PLEKHA5: variants seen among roughly 807,000 people sequenced by gnomAD.
PLEKHA5 encodes the protein pleckstrin homology domain containing A5, also known as pleckstrin homology domain-containing family A member 5.
Under a neutral mutation model 181.9 loss-of-function variants are expected in PLEKHA5, and 55 were observed. That is an observed-to-expected ratio of 0.30 (90% CI 0.24 to 0.38). The LOEUF (loss-of-function observed/expected upper bound fraction) is 0.38. Among genes scored for constraint, PLEKHA5 ranks in the 10% least tolerant of loss-of-function variants. The pLI is 1.00. For missense variants in PLEKHA5, 1,432 were observed against 1,549.5 expected (o/e 0.92, Z 1.27); for synonymous variants, 535 against 529.4 (o/e 1.01, Z -0.15).
intron 3 of PLEKHA5, chr12:19,154,295 A>G (rs2041164420): frequency 6.6e-6 from 1 of 152,030 alleles, no homozygotes; most frequent in Non-Finnish European, 1.5e-5. Context: ...ATCTTTTTCC[A>G]GTTTTATAAA....
chr12:19,285,145 C>T (rs2076953397), intron 12 of PLEKHA5, among the ~76,000 whole-genome samples: 1 of 152,102 alleles, frequency 6.6e-6, no homozygotes, highest in Non-Finnish European at 1.5e-5. Context: ...ACTTTGAACT[C>T]CATCGTAACA....
chr12:19,191,360 A>G (rs963878427), intron 3 of PLEKHA5, among the ~76,000 whole-genome samples: 8 of 152,150 alleles, frequency 5.3e-5, no homozygotes, highest in African/African-American at 1.7e-4. Context: ...ATACTTTAAT[A>G]CCCTGACACA....
chr12:19,359,384 A>G (rs2095111839), intron 27 of PLEKHA5, 28 bp from the exon 28 acceptor site: 1 of 1,602,450 alleles, frequency 6.2e-7, no homozygotes. Flanking sequence ...CAGTATGAGT[A>G]TAAAAATGCT....
chr12:19,142,147 G>A (rs2037539858), intron 3 of PLEKHA5, among the ~76,000 whole-genome samples: 1 of 152,106 alleles, frequency 6.6e-6, no homozygotes, highest in Non-Finnish European at 1.5e-5. Flanking sequence ...ATTCTTTGAA[G>A]CCAGGAGTTC....
At chr12:19,186,431 C>T (rs1591982244) in intron 3 of PLEKHA5, among the ~76,000 whole-genome samples, 1 of 152,266 alleles carries the variant, frequency 6.6e-6, no homozygotes, top group South Asian at 2.1e-4. Flanking sequence ...TAGCTCCTGG[C>T]AGGTTCACAA....
chr12:19,131,015 A>G (rs868493917), intron 2 of PLEKHA5: 1 of 152,404 alleles, frequency 6.6e-6, no homozygotes, highest in Middle Eastern at 3.4e-3. Context: ...TGGAGCTGGA[A>G]AAGGCTCCTC....
Position 19,347,265 on chromosome 12 carries a change from T to A in PLEKHA5, c.2898+83T>A, listed in dbSNP as rs952365880. 1.4e-3 allele frequency: 1,069 copies of A among 777,734 alleles called. 5 individuals carry two copies. The highest frequency in any genetic ancestry group is 8.3e-3 in the Middle Eastern group (21 of 2,528). The allele number at this position is 777,734 out of a possible 1,614,324, so 48.2% of individuals were successfully genotyped here. Reference sequence around the variant, plus strand: ...AATTAATTTATTTTACACTCAAACTTTTTTTTTATTATAACCTTTATAACC... The same window carrying A: ...AATTAATTTATTTTACACTCAAACTATTTTTTTATTATAACCTTTATAACC... On this transcript the variant is annotated intron_variant, in intron 24 of 31. Coordinates refer to ENST00000429027, the MANE Select transcript of PLEKHA5 (RefSeq NM_001256470.2).
intron 3 of PLEKHA5, among the ~76,000 whole-genome samples, chr12:19,163,871 A>G (rs959534797): frequency 8.5e-5 from 13 of 152,286 alleles, no homozygotes; most frequent in Admixed American, 3.3e-4. Flanking sequence ...CAATAGAGAA[A>G]AGTTGGCTGA....
chr12:19,335,701 G>A (rs752390361), intron 20 of PLEKHA5, among the ~76,000 whole-genome samples: 2 of 150,826 alleles, frequency 1.3e-5, no homozygotes, highest in East Asian at 2.0e-4. Flanking sequence ...GCGCAATCTC[G>A]GCTCACTGCA....
chr12:19,313,064 A>G (rs1264743127), intron 15 of PLEKHA5, among the ~76,000 whole-genome samples: 1 of 152,172 alleles, frequency 6.6e-6, no homozygotes, highest in Admixed American at 6.6e-5. Flanking sequence ...TCAGTGAAAC[A>G]GAACACACAA....
intron 30 of PLEKHA5, among the ~76,000 whole-genome samples, chr12:19,367,500 C>G (rs1489570004): frequency 1.3e-5 from 2 of 150,906 alleles, no homozygotes; most frequent in Non-Finnish European, 3.0e-5. Flanking sequence ...GGTGATCCAC[C>G]CACCTCAGCT....
intron 7 of PLEKHA5, among the ~76,000 whole-genome samples, chr12:19,264,415 A>G (rs1430081): frequency 0.86 from 130,852 of 151,916 alleles, 57,882 homozygotes; most frequent in Middle Eastern, 0.97. Context: ...ATTTTTTAAT[A>G]AAGATGACTT....
At chr12:19,369,496 A>G (rs2095523142) in intron 30 of PLEKHA5, among the ~76,000 whole-genome samples, 197 bp from the exon 31 acceptor site, 1 of 152,040 alleles carries the variant, frequency 6.6e-6, no homozygotes, top group South Asian at 2.1e-4. Flanking sequence ...CCTGGTCAAC[A>G]TGGTGAGACC....
chr12:19,267,440 A>C (rs1214763198), intron 8 of PLEKHA5, among the ~76,000 whole-genome samples: 1 of 150,170 alleles, frequency 6.7e-6, no homozygotes, highest in Non-Finnish European at 1.5e-5. Context: ...GGTCAGGATC[A>C]ACTGAGGTCA....
intron 3 of PLEKHA5, among the ~76,000 whole-genome samples, chr12:19,203,585 C>G (rs1450709696): frequency 1.3e-5 from 2 of 151,952 alleles, no homozygotes; most frequent in Non-Finnish European, 2.9e-5. Flanking sequence ...GAAAGTTCAC[C>G]CCTCTCACAA....
intron 28 of PLEKHA5, among the ~76,000 whole-genome samples, chr12:19,360,107 G>A (rs976035232): frequency 7.9e-5 from 12 of 151,964 alleles, no homozygotes; most frequent in Admixed American, 1.3e-4. Context: ...TGAGGCAGGC[G>A]GATCACTTGA....
At chr12:19,338,385 C>T (rs2093620065) in intron 21 of PLEKHA5, among the ~76,000 whole-genome samples, 1 of 151,784 alleles carries the variant, frequency 6.6e-6, no homozygotes, top group Non-Finnish European at 1.5e-5. Context: ...TTTGGGAGGC[C>T]GTGGTGGGAG....
intron 25 of PLEKHA5, 139 bp from the exon 26 acceptor site, chr12:19,353,745 C>T: frequency 1.7e-6 from 1 of 579,736 alleles, no homozygotes; most frequent in Non-Finnish European, 3.1e-6. Context: ...AGGCGTGAGC[C>T]ACCGCGCCAG....
chr12:19,259,664 T>C (rs1217452489), intron 6 of PLEKHA5, among the ~76,000 whole-genome samples: 1 of 151,064 alleles, frequency 6.6e-6, no homozygotes, highest in African/African-American at 2.4e-5. Flanking sequence ...GACACGAGAA[T>C]CACTTGAAAC....
Sources: gnomAD v4.1 joint callset for allele counts (sites outside exome capture counted in the v4.1 genomes callset) on GRCh38, gnomAD v4.1.1 for gene constraint, MANE v1.5 for transcripts, NCBI Gene and HGNC (gene_info 2026-07-23, HGNC 2026-07-21) for gene names.